Variants in DTNB observed in about 807,000 individuals in gnomAD.
The protein encoded by DTNB is dystrobrevin beta.
DTNB carries 63 observed loss-of-function variants against 90.7 expected under a neutral mutation model. The observed-to-expected ratio is 0.69, with a 90% CI of 0.57 to 0.86. The LOEUF (loss-of-function observed/expected upper bound fraction) is 0.86. Among genes scored for constraint, DTNB ranks in the 40% least tolerant of loss-of-function variants. The probability of loss-of-function intolerance (pLI) is 0.00; values close to 1 mark genes in which losing one functional copy is unlikely to be tolerated. For missense variants in DTNB, 744 were observed against 807.1 expected (o/e 0.92, Z 0.95); for synonymous variants, 277 against 286.7 (o/e 0.97, Z 0.34).
intron 8 of DTNB, among the ~76,000 whole-genome samples, chr2:25,547,485 A>C (rs1206095567): frequency 1.3e-5 from 2 of 151,948 alleles, no homozygotes; most frequent in Non-Finnish European, 2.9e-5. Context: ...CACCATGTCC[A>C]GCCCATTTTT....
At chr2:25,616,155 T>C (rs2070413947) in intron 4 of DTNB, among the ~76,000 whole-genome samples, 1 of 152,188 alleles carries the variant, frequency 6.6e-6, no homozygotes, top group African/African-American at 2.4e-5. Flanking sequence ...AAACTGTTGC[T>C]ATCTATGCAG....
chr2:25,659,179 A>G (rs1316819695), intron 1 of DTNB, among the ~76,000 whole-genome samples: 1 of 152,188 alleles, frequency 6.6e-6, no homozygotes, highest in African/African-American at 2.4e-5. Flanking sequence ...GACCTCACTG[A>G]AGAGGGTGGG....
intron 9 of DTNB, among the ~76,000 whole-genome samples, chr2:25,508,443 A>G (rs1314726940): frequency 1.3e-5 from 2 of 151,794 alleles, no homozygotes; most frequent in African/African-American, 2.4e-5. Context: ...TGGCCTTCCA[A>G]TTTATAAATA....
chr2:25,510,719 G>A (rs1424039711), intron 9 of DTNB, among the ~76,000 whole-genome samples: 1 of 151,908 alleles, frequency 6.6e-6, no homozygotes, highest in Non-Finnish European at 1.5e-5. Flanking sequence ...TGTTGGCCAG[G>A]CTGGTCTCGA....
At chr2:25,588,351 T>C (rs956408477) in intron 6 of DTNB, among the ~76,000 whole-genome samples, 2 of 152,114 alleles carry the variant, frequency 1.3e-5, no homozygotes, top group Admixed American at 1.3e-4. Context: ...CAAATCACAG[T>C]ATACTCTCTT....
intron 20 of DTNB, 69 bp from the exon 21 acceptor site, chr2:25,377,622 TACTGTGA>T (rs2036172940): frequency 6.6e-6 from 1 of 152,516 alleles, no homozygotes. Flanking sequence ...TGCTAACATC[TACTGTGA>T]ACAGGAGGCC....
At chr2:25,430,382 C>A (rs1339887325) in intron 14 of DTNB, among the ~76,000 whole-genome samples, 2 of 152,134 alleles carry the variant, frequency 1.3e-5, no homozygotes, top group Non-Finnish European at 2.9e-5. Context: ...TCTAGGAAGA[C>A]TTCTTCCTCT....
intron 10 of DTNB, among the ~76,000 whole-genome samples, chr2:25,478,691 C>T (rs1310779131): frequency 6.6e-6 from 1 of 152,128 alleles, no homozygotes; most frequent in East Asian, 1.9e-4. Flanking sequence ...GTATACTCTT[C>T]TTTGGGGGAA....
chr2:25,434,275 CGTCTG>C lies in DTNB; in HGVS notation c.1258-285_1258-281del, dbSNP rs146379667. 4.0e-4 allele frequency among the ~76,000 whole-genome samples: 61 copies of C among 152,110 alleles called. No homozygotes were observed. In the East Asian group the frequency reaches 0.011, roughly 27 times the overall value. On this transcript the variant is annotated intron_variant, in intron 12 of 20. Coordinates refer to ENST00000406818, the MANE Select transcript of DTNB (RefSeq NM_021907.5). ...CCACCCCCAACCTCAGGCAGCCATG[CGTCTG>C]CTTTCTGTCTATAGTTCTGCCTTTT... is the stretch of plus-strand genomic sequence containing the variant.
chr2:25,511,631 C>T (rs116096080), intron 9 of DTNB, among the ~76,000 whole-genome samples: 4 of 152,180 alleles, frequency 2.6e-5, no homozygotes, highest in African/African-American at 7.2e-5. Context: ...CGCGCCCAAT[C>T]GGGTTACTTT....
chr2:25,494,052 A>G (rs1412213541), intron 9 of DTNB, among the ~76,000 whole-genome samples: 3 of 152,204 alleles, frequency 2.0e-5, no homozygotes, highest in Admixed American at 6.5e-5. Context: ...TTTTGCATAC[A>G]TTTCTTTACT....
intron 15 of DTNB, 94 bp from the exon 16 acceptor site, chr2:25,419,629 GA>G (rs1177989528): frequency 2.2e-5 from 33 of 1,489,936 alleles, no homozygotes; most frequent in Non-Finnish European, 2.9e-5. Flanking sequence ...GGTCAGAAAT[GA>G]TAGAAAAATC....
chr2:25,422,724 T>G (rs1193537335), intron 15 of DTNB, among the ~76,000 whole-genome samples: 1 of 151,902 alleles, frequency 6.6e-6, no homozygotes, highest in African/African-American at 2.4e-5. Context: ...AAAAGCAATA[T>G]CAGACAAATG....
chr2:25,507,746 T>C (rs532622103), intron 9 of DTNB, among the ~76,000 whole-genome samples: 1 of 152,268 alleles, frequency 6.6e-6, no homozygotes, highest in African/African-American at 2.4e-5. Context: ...GTCAAAGCAA[T>C]CCAAACACAT....
At position 25,634,634 on chromosome 2, in the gene DTNB, A is replaced by T. The variant is rs559157642; in HGVS notation, c.148+4380T>A. The stretch of plus-strand genomic sequence containing the variant: ...TAGAAAGGGGGGAAAGGTGGGGAAA[A>T]GATTGAGAGGTTGGATGGTTGCCGT... On this transcript the variant is annotated intron_variant, in intron 3 of 20. Coordinates refer to ENST00000406818, the MANE Select transcript of DTNB (RefSeq NM_021907.5). Among the ~76,000 whole-genome samples the T allele has an allele frequency of 1.7e-5, 2 of 116,320 alleles. 1 individual carries two copies. Among genetic ancestry groups the T allele is most frequent in the East Asian group, 1.0e-3 (2 of 1,918 alleles). The allele number at this position is 116,320 out of a possible 152,430, so 76.3% of individuals were successfully genotyped here. A position where few individuals can be genotyped will look rare whatever the true frequency, so the allele number is the denominator to read the frequency against.
chr2:25,625,373 A>C (rs550034068), intron 4 of DTNB, among the ~76,000 whole-genome samples: 13 of 152,170 alleles, frequency 8.5e-5, no homozygotes, highest in Non-Finnish European at 1.6e-4. Context: ...TTCCAACACA[A>C]GAAGGTCAAT....
intron 8 of DTNB, 95 bp downstream of exon 8, chr2:25,576,739 CCCTT>C: frequency 7.3e-7 from 1 of 1,378,166 alleles, no homozygotes; most frequent in Non-Finnish European, 9.6e-7. Context: ...CTATATCACA[CCCTT>C]ATTTGGTAGG....
At position 25,451,597 on chromosome 2, in the gene DTNB, C is replaced by T. The variant is rs202006409; in HGVS notation, c.1208G>A (p.Arg403His). 2.9e-5 allele frequency: 46 copies of T among 1,607,498 alleles called. No individual in the cohort carries two copies. Among genetic ancestry groups the T allele is most frequent in the Admixed American group, 2.0e-4 (12 of 59,236 alleles). ...CCGGGCAGCATAGCGAGCTATAAGA[C>T]GGTGTTCCTCATCCAGTCGGCTAGG... ...DSPSRLDEEHRLIARYAARLA... is the reference protein window; with the variant it reads ...DSPSRLDEEHHLIARYAARLA... The change falls in exon 12 of 21, where the codon CGT becomes CAT. Residue 403 changes from arginine to histidine, a missense_variant. Transcript: ENST00000406818.
chr2:25,435,537 T>G (rs1260421135), intron 12 of DTNB, among the ~76,000 whole-genome samples: 1 of 152,246 alleles, frequency 6.6e-6, no homozygotes, highest in Non-Finnish European at 1.5e-5. Flanking sequence ...AAAATGTTTT[T>G]AAAGTTCACC....
Sources: gnomAD v4.1 joint callset for allele counts (sites outside exome capture counted in the v4.1 genomes callset) on GRCh38, gnomAD v4.1.1 for gene constraint, MANE v1.5 for transcripts, NCBI Gene and HGNC (gene_info 2026-07-23, HGNC 2026-07-21) for gene names.